The following TMEM144 variants were observed in gnomAD, a reference collection of about 807,000 sequenced individuals.
The protein encoded by TMEM144 is transmembrane protein 144.
Under a neutral mutation model 43.6 loss-of-function variants are expected in TMEM144, and 39 were observed. The observed-to-expected ratio is 0.90, with a 90% CI of 0.69 to 1.17. The LOEUF is 1.17. Ranked by LOEUF, TMEM144 falls within the 50% of genes most tolerant of loss-of-function variation. The pLI is 0.00. For missense variants in TMEM144, 417 were observed against 411.9 expected (o/e 1.01, Z -0.11); for synonymous variants, 154 against 133.6 (o/e 1.15, Z -1.06).
chr4:158,210,921 TA>T (rs1733927673), intron 1 of TMEM144: 2 of 151,636 alleles, frequency 1.3e-5, no homozygotes, highest in African/African-American at 4.8e-5. Flanking sequence ...AGTAATAAAA[TA>T]AAAATGAATT....
intron 4 of TMEM144, among the ~76,000 whole-genome samples, chr4:158,217,026 C>A (rs1324612732): frequency 1.3e-5 from 2 of 152,066 alleles, no homozygotes; most frequent in Admixed American, 1.3e-4. Flanking sequence ...CTGACAGCTT[C>A]CATGAAGAAT....
At chr4:158,224,549 G>GT (rs1579114253) in intron 6 of TMEM144, among the ~76,000 whole-genome samples, 1 of 152,086 alleles carries the variant, frequency 6.6e-6, no homozygotes, top group Admixed American at 6.6e-5. Context: ...ATACAAATAA[G>GT]TTTTTTTAGA....
In TMEM144 at chr4:158,237,040, T is replaced by C. The variant is rs187206256; in HGVS notation, c.564-485T>C. On this transcript the variant is annotated intron_variant, in intron 8 of 12. Coordinates refer to ENST00000296529, the MANE Select transcript of TMEM144 (RefSeq NM_018342.5). ...GACCATGGCATTGTCAACTAAGGCA[T>C]AGGCAAGTTCGTGGATTTCAATAGT... Among the ~76,000 whole-genome samples the C allele has an allele frequency of 1.1e-3, 165 of 152,322 alleles. 1 individual carries two copies. The highest frequency in any genetic ancestry group is 2.8e-4 in the Non-Finnish European group (19 of 68,032).
chr4:158,254,567 C>A lies in TMEM144; in HGVS notation c.*1040C>A, dbSNP rs1055277219. The A allele has an allele frequency of 4.6e-5, 7 of 151,306 alleles. No homozygotes were observed. Among genetic ancestry groups the A allele is most frequent in the African/African-American group, 1.7e-4 (7 of 41,182 alleles). 9.4% of individuals were successfully genotyped at this position (151,306 alleles called of 1,614,324 possible). A position where few individuals can be genotyped will look rare whatever the true frequency, so the allele number is the denominator to read the frequency against. ...AGCCCAAGAGTGCAAATCTGCCAGCCTAGGCAACATAGCAAGGTCCCATCT... is the reference window on the plus strand; with the variant it reads ...AGCCCAAGAGTGCAAATCTGCCAGCATAGGCAACATAGCAAGGTCCCATCT... On this transcript the variant is annotated 3_prime_UTR_variant, in exon 13 of 13. Transcript: ENST00000296529.
At chr4:158,252,807 C>CAAAAAAAAAA (rs57460951) in intron 12 of TMEM144, among the ~76,000 whole-genome samples, 2 of 67,290 alleles carry the variant, frequency 3.0e-5, no homozygotes, top group Non-Finnish European at 5.9e-5. Flanking sequence ...GACTCCGTCT[C>CAAAAAAAAAA]AAAAAAAAAA....
intron 11 of TMEM144, 48 bp downstream of exon 11, chr4:158,241,654 C>T (rs1171358427): frequency 6.6e-7 from 1 of 1,523,652 alleles, no homozygotes; most frequent in Non-Finnish European, 9.1e-7. Context: ...TAAATGTAAA[C>T]CCAATTTTTC....
chr4:158,248,201 G>A (rs1735992508), intron 12 of TMEM144, among the ~76,000 whole-genome samples: 2 of 151,042 alleles, frequency 1.3e-5, no homozygotes, highest in Non-Finnish European at 2.9e-5. Flanking sequence ...GGCAAGCCAA[G>A]GTGGCCAGAT....
At chr4:158,243,351 A>AT (rs1430124892) in intron 11 of TMEM144, among the ~76,000 whole-genome samples, 3 of 151,940 alleles carry the variant, frequency 2.0e-5, no homozygotes, top group African/African-American at 4.8e-5. Flanking sequence ...AGAGGAGTGT[A>AT]TTTTTTTTGT....
rs1363503303 is a variant in TMEM144 at position 158,215,043 on chromosome 4, T to C, written c.110-148T>C. 1.1e-5 allele frequency: 10 copies of C among 891,272 alleles called. No homozygotes were observed. In the South Asian group the frequency reaches 1.2e-4, roughly 11 times the overall value. The allele number at this position is 891,272 out of a possible 1,614,324, so 55.2% of individuals were successfully genotyped here. ...AGCTAGGGTTAATTATGTTGCAGAG[T>C]AGTCATAAGAATGAAATGTGCAAAG... On this transcript the variant is annotated intron_variant, in intron 3 of 12. Coordinates refer to ENST00000296529, the MANE Select transcript of TMEM144 (RefSeq NM_018342.5).
At position 158,237,527 on chromosome 4, in the gene TMEM144, G is replaced by T; in HGVS notation, c.566G>T (p.Gly189Val). ...KLSTVHHRIV[G>V]CSLAVISGVL... ...TAGTGATTTATTTGTTTTGTAAGGG[G>T]CTGCAGTCTTGCAGTGATATCTGGA... Residue 189 changes from glycine (G) to valine (V), a missense_variant and splice_region_variant, in exon 9 of 13, where the codon GGC (glycine) becomes GTC (valine). Coordinates refer to ENST00000296529, the MANE Select transcript of TMEM144 (RefSeq NM_018342.5). The T allele has an allele frequency of 1.2e-6, 2 of 1,608,864 alleles. No homozygotes were observed. The highest frequency in any genetic ancestry group is 1.7e-6 in the Non-Finnish European group (2 of 1,176,334).
intron 8 of TMEM144, among the ~76,000 whole-genome samples, chr4:158,236,262 T>C (rs1281946106): frequency 6.8e-6 from 1 of 147,438 alleles, no homozygotes; most frequent in Non-Finnish European, 1.5e-5. Flanking sequence ...TCAATAAATA[T>C]TTGAATAATT....
At chr4:158,245,892 C>T (rs1274602169) in intron 12 of TMEM144, among the ~76,000 whole-genome samples, 2 of 152,028 alleles carry the variant, frequency 1.3e-5, no homozygotes, top group Admixed American at 6.6e-5. Flanking sequence ...CATACCACTA[C>T]ACTCCAATCT....
Position 158,240,431 on chromosome 4 carries a change from A to G in TMEM144, c.802+13A>G. 1 of 1,586,172 alleles carries G rather than the reference A, an allele frequency of 6.3e-7. No individual in the cohort carries two copies. The highest frequency in any genetic ancestry group is 8.5e-7 in the Non-Finnish European group (1 of 1,171,194). ...GCAGTCCTACCAGGTAAGAATATGT[A>G]CTACAGATCTTCTTACTATATGAAA... On this transcript the variant is annotated intron_variant, in intron 10 of 12. Transcript: ENST00000296529.
At chr4:158,241,145 G>A (rs1025958734) in intron 10 of TMEM144, among the ~76,000 whole-genome samples, 8 of 150,954 alleles carry the variant, frequency 5.3e-5, no homozygotes, top group South Asian at 2.1e-4. Flanking sequence ...TTTCTTAGCC[G>A]TAGCATCACT....
intron 6 of TMEM144, among the ~76,000 whole-genome samples, chr4:158,222,365 C>A (rs1279607928): frequency 6.6e-6 from 1 of 152,198 alleles, no homozygotes; most frequent in Non-Finnish European, 1.5e-5. Flanking sequence ...ACACGTTTCA[C>A]CTTTCTCCCT....
At chr4:158,252,195 T>C (rs1736240353) in intron 12 of TMEM144, among the ~76,000 whole-genome samples, 1 of 152,178 alleles carries the variant, frequency 6.6e-6, no homozygotes, top group Non-Finnish European at 1.5e-5. Context: ...CAGGAAGATA[T>C]TTCGTTGTTA....
intron 12 of TMEM144, among the ~76,000 whole-genome samples, chr4:158,246,919 C>A (rs1735917626): frequency 6.6e-6 from 1 of 151,882 alleles, no homozygotes; most frequent in Admixed American, 6.6e-5. Context: ...CTCTTAACTA[C>A]ATATAAGAAC....
At chr4:158,217,289 T>G (rs1734270824) in intron 4 of TMEM144, 32 bp from the exon 5 acceptor site, 1 of 1,392,966 alleles carries the variant, frequency 7.2e-7, no homozygotes, top group Admixed American at 1.8e-5. Context: ...TATATGGAAA[T>G]AACATGTTTC....
intron 12 of TMEM144, among the ~76,000 whole-genome samples, chr4:158,250,174 A>T (rs1736123412): frequency 7.0e-6 from 1 of 143,550 alleles, no homozygotes; most frequent in Admixed American, 7.1e-5. Flanking sequence ...TAATTATTTG[A>T]TTTTGTTAAT....
Sources: allele counts gnomAD v4.1 joint callset (sites outside exome capture counted in the v4.1 genomes callset), GRCh38; gene constraint gnomAD v4.1.1; transcripts MANE v1.5; gene names NCBI Gene and HGNC (gene_info 2026-07-23, HGNC 2026-07-21).